The following AIFM3 variants were observed in gnomAD, a reference collection of about 807,000 sequenced individuals.
AIFM3 encodes AIF family member 3.
AIFM3 carries 71 observed loss-of-function variants against 82.7 expected under a neutral mutation model. The observed-to-expected ratio is 0.86, with a 90% CI of 0.71 to 1.05. AIFM3 has a LOEUF of 1.05. Among genes scored for constraint, AIFM3 ranks in the 50% least tolerant of loss-of-function variants. The pLI is 0.00. For missense variants in AIFM3, 748 were observed against 816.7 expected (o/e 0.92, Z 1.03); for synonymous variants, 337 against 329.1 (o/e 1.02, Z -0.26).
At chr22:20,979,170 G>T in intron 16 of AIFM3, 101 bp from the exon 17 acceptor site, 1 of 1,151,580 alleles carries the variant, frequency 8.7e-7, no homozygotes, top group Non-Finnish European at 1.3e-6. Context: ...GAGACCAGGA[G>T]GAGTAGCCAC....
Position 20,977,097 on chromosome 22 carries a change from T to C in AIFM3, c.1282+2T>C, listed in dbSNP as rs756123053. 9.9e-6 allele frequency: 16 copies of C among 1,613,958 alleles called. No homozygotes were observed. Among genetic ancestry groups the C allele is most frequent in the Non-Finnish European group, 1.4e-5 (16 of 1,180,000 alleles). On this transcript the variant is annotated splice_donor_variant, in intron 14 of 20. Transcript: ENST00000440238. LOFTEE classifies it high-confidence loss of function. ...CTGACGTCTGCGTGGTGGGCATTGG[T>C]GAGTTGGTGTGTGGGCAGGCAGGCA...
At position 20,973,396 on chromosome 22, in the gene AIFM3, C is replaced by A. The variant is rs1446452843; in HGVS notation, c.121C>A (p.Gln41Lys). ...ASGKGSPRAY[Q>K]GNGTARHFHT... ...TGGGAAGGGCAGCCCCCGGGCCTAC[C>A]AGGGCAATGGCACGGCCCGCCACTT... Residue 41 changes from glutamine to lysine, a missense_variant, in exon 3 of 21, where the codon CAG becomes AAG. Gln to Lys is a moderately conservative substitution (Grantham distance 53, BLOSUM62 1). Around this residue, in one of 5 missense-constraint regions of AIFM3, gnomAD observed 148 missense variants for 134.1 expected, o/e 1.10. Coordinates refer to ENST00000440238, the MANE Select transcript of AIFM3 (RefSeq NM_001386814.1). 1 of 1,611,510 alleles carries A rather than the reference C, an allele frequency of 6.2e-7. No individual in the cohort carries two copies. The highest frequency in any genetic ancestry group is 8.5e-7 in the Non-Finnish European group (1 of 1,179,628).
intron 8 of AIFM3, among the ~76,000 whole-genome samples, 197 bp downstream of exon 8, chr22:20,975,013 G>C (rs761476121): frequency 3.3e-5 from 5 of 152,106 alleles, no homozygotes; most frequent in Non-Finnish European, 7.4e-5. Context: ...CCCAGGCTGG[G>C]ATGCAGTGGC....
chr22:20,978,156 C>A, intron 16 of AIFM3, 151 bp downstream of exon 16: 2 of 731,296 alleles, frequency 2.7e-6, no homozygotes, highest in Non-Finnish European at 4.6e-6. Flanking sequence ...CTCATCTCGG[C>A]GATCCAGCCA....
At position 20,967,841 on chromosome 22, in the gene AIFM3, G is replaced by T. The variant is rs559811115; in HGVS notation, c.-104G>T. 2.9e-5 allele frequency: 37 copies of T among 1,294,320 alleles called. No individual in the cohort carries two copies. The highest frequency in any genetic ancestry group is 4.0e-5 in the Non-Finnish European group (36 of 895,174). 80.2% of individuals were successfully genotyped at this position (1,294,320 alleles called of 1,614,324 possible). ...GCTCCAGCAGGATGGCGGCTCCAGC[G>T]TCTCTAAGGCCTGCAGGGGGTCCAG... On this transcript the variant is annotated 5_prime_UTR_variant, in exon 2 of 21. Transcript: ENST00000440238.
chr22:20,980,394 T>C, intron 19 of AIFM3: 2 of 595,528 alleles, frequency 3.4e-6, no homozygotes, highest in South Asian at 4.0e-5. Flanking sequence ...GCCCAATGCA[T>C]GGGCAATCAC....
At chr22:20,969,499 G>A (rs8140137) in intron 2 of AIFM3, among the ~76,000 whole-genome samples, 8,921 of 151,862 alleles carry the variant, frequency 0.059, 906 homozygotes, top group African/African-American at 0.2. Flanking sequence ...GCGTGATCTC[G>A]GCTCACTGCA....
In AIFM3 at chr22:20,978,103, C is replaced by A. The variant is rs1456181070; in HGVS notation, c.1477+98C>A. On this transcript the variant is annotated intron_variant, in intron 16 of 20. Transcript: ENST00000440238. ...TCAGTTGCTGACCTTGGGTCCTGGA[C>A]ACTGTTAGGCATCAAAGCTCTGATG... is the stretch of plus-strand genomic sequence containing the variant. 2.8e-6 allele frequency: 3 copies of A among 1,064,198 alleles called. No homozygotes were observed. The Admixed American group carries it at 7.5e-5, about 27-fold the overall frequency. The allele number at this position is 1,064,198 out of a possible 1,614,324, so 65.9% of individuals were successfully genotyped here.
intron 2 of AIFM3, among the ~76,000 whole-genome samples, chr22:20,971,022 C>G (rs1172840110): frequency 6.6e-6 from 1 of 152,218 alleles, no homozygotes; most frequent in Non-Finnish European, 1.5e-5. Context: ...AGAGACGCCT[C>G]TCCCCTCTAC....
chr22:20,976,818 C>T, intron 12 of AIFM3, 49 bp from the exon 13 acceptor site: 1 of 1,594,040 alleles, frequency 6.3e-7, no homozygotes, highest in Non-Finnish European at 8.5e-7. Flanking sequence ...CCAGCCCGGC[C>T]CCTGGCTGGG....
chr22:20,977,818 C>T (rs758929028), intron 15 of AIFM3, 42 bp downstream of exon 15: 1 of 1,613,932 alleles, frequency 6.2e-7, no homozygotes, highest in Admixed American at 1.7e-5. Flanking sequence ...CGGTGCTGGG[C>T]TGGGAGTGGC....
At chr22:20,976,187 C>T in intron 9 of AIFM3, 28 bp from the exon 10 acceptor site, 1 of 1,606,724 alleles carries the variant, frequency 6.2e-7, no homozygotes, top group African/African-American at 1.3e-5. Flanking sequence ...CATGCCCAAG[C>T]TCATGCTCTG....
At chr22:20,969,588 C>T (rs1923142610) in intron 2 of AIFM3, among the ~76,000 whole-genome samples, 1 of 152,196 alleles carries the variant, frequency 6.6e-6, no homozygotes, top group Admixed American at 6.5e-5. Context: ...CGCCACCACG[C>T]CCAGCTATTT....
rs186295000 is a variant in AIFM3 at position 20,976,905 on chromosome 22, G to C, written c.1185G>C (p.Thr395=). 1.2e-6 allele frequency: 2 copies of C among 1,609,136 alleles called. No individual in the cohort carries two copies. The highest frequency in any genetic ancestry group is 1.7e-6 in the Non-Finnish European group (2 of 1,176,600). Reference sequence around the variant, plus strand: ...ACCGGGTGAAGTTCTACATGCAGACGGAGGTGTCTGAGCTGCGGGGCCAGG... The same window carrying C: ...ACCGGGTGAAGTTCTACATGCAGACCGAGGTGTCTGAGCTGCGGGGCCAGG... ...ENNRVKFYMQ[T]EVSELRGQEG... The change falls in exon 13 of 21, where the codon ACG becomes ACC. Residue 395 remains threonine, a synonymous_variant. Coordinates refer to ENST00000440238, the MANE Select transcript of AIFM3 (RefSeq NM_001386814.1).
At position 20,968,796 on chromosome 22, in the gene AIFM3, GCCCCAGCCAGCTCA is replaced by G. The variant is rs563539027; in HGVS notation, c.31+857_31+870del. On this transcript the variant is annotated intron_variant, in intron 2 of 20. Transcript: ENST00000440238. ...TCCACTCAACCTGCCAGGCCACGCT[GCCCCAGCCAGCTCA>G]CCCCAGCCAGCTCACCCCAGCCAGC... Among the ~76,000 whole-genome samples, 475 of 151,978 alleles carry G rather than the reference GCCCCAGCCAGCTCA, an allele frequency of 3.1e-3. 1 individual carries two copies. The highest frequency in any genetic ancestry group is 8.6e-3 in the African/African-American group (355 of 41,418).
intron 8 of AIFM3, 76 bp downstream of exon 8, chr22:20,974,892 C>T: frequency 6.8e-7 from 1 of 1,475,572 alleles, no homozygotes; most frequent in Non-Finnish European, 9.3e-7. Flanking sequence ...TGCTTGTCAC[C>T]CCATTGGGGT....
At chr22:20,971,258 G>A (rs1422584784) in intron 2 of AIFM3, among the ~76,000 whole-genome samples, 1 of 152,160 alleles carries the variant, frequency 6.6e-6, no homozygotes, top group Admixed American at 6.6e-5. Flanking sequence ...CATTACATAA[G>A]GTATAGAAAA....
chr22:20,972,587 A>G (rs1262939889), intron 2 of AIFM3, among the ~76,000 whole-genome samples: 1 of 152,132 alleles, frequency 6.6e-6, no homozygotes, highest in Non-Finnish European at 1.5e-5. Flanking sequence ...GAATTCCTGT[A>G]TGTACATGAG....
At position 20,977,978 on chromosome 22, in the gene AIFM3, C is replaced by T; in HGVS notation, c.1450C>T (p.Pro484Ser). 2 of 1,614,156 alleles carry T rather than the reference C, an allele frequency of 1.2e-6. No homozygotes were observed. The highest frequency in any genetic ancestry group is 1.7e-6 in the Non-Finnish European group (2 of 1,179,998). Residue 484 changes from proline to serine, a missense_variant, in exon 16 of 21, where the codon CCA (proline) becomes TCA (serine). Physicochemically the swap from Pro to Ser is moderately conservative, Grantham distance 74. This residue lies in a region of AIFM3 where 393 missense variants were observed against 481.1 expected (regional missense o/e 0.82). Coordinates refer to ENST00000440238, the MANE Select transcript of AIFM3 (RefSeq NM_001386814.1). ...GAGGAACAACCGCAAAGTGAACATT[C>T]CACATTGGCAGATGGCTCATGCTCA... ...AWRNNRKVNI[P>S]HWQMAHAQGR...
Sources: gnomAD v4.1 joint callset for allele counts (sites outside exome capture counted in the v4.1 genomes callset) on GRCh38, gnomAD v4.1.1 for gene constraint, gnomAD v4.1.1 regional missense constraint, MANE v1.5 for transcripts, NCBI Gene and HGNC (gene_info 2026-07-23, HGNC 2026-07-21) for gene names.